CLN6: variants seen among roughly 807,000 people sequenced by gnomAD.
The protein encoded by CLN6 is ceroid-lipofuscinosis neuronal protein 6.
In CLN6, 22 loss-of-function variants were observed where a neutral mutation model predicts 33.3. That is an observed-to-expected ratio of 0.66 (90% CI 0.47 to 0.94). The LOEUF (loss-of-function observed/expected upper bound fraction) is 0.94, where lower values mean the gene tolerates loss of function less well. Among genes scored for constraint, CLN6 ranks in the 40% least tolerant of loss-of-function variants. The pLI is 0.00. For missense variants in CLN6, 387 were observed against 417.1 expected (o/e 0.93, Z 0.63); for synonymous variants, 201 against 174.6 (o/e 1.15, Z -1.19).
intron 3 of CLN6, chr15:68,213,275 C>T (rs778405680): frequency 1.3e-5 from 2 of 150,704 alleles, no homozygotes; most frequent in Non-Finnish European, 2.9e-5. Context: ...GTCTCACTGT[C>T]TTGCCCGGGC....
intron 1 of CLN6, 39 bp downstream of exon 1, chr15:68,229,463 A>C (rs1009096628): frequency 2.1e-6 from 3 of 1,420,228 alleles, no homozygotes; most frequent in Non-Finnish European, 2.8e-6. Context: ...CCCAGCGCAC[A>C]GGCGCCTAGC....
rs1439582258 is a variant in CLN6, at chr15:68,210,483, C to A, written c.543-724G>T. Among the ~76,000 whole-genome samples the A allele has an allele frequency of 1.3e-5, 2 of 152,202 alleles. No homozygotes were observed. Among genetic ancestry groups the A allele is most frequent in the East Asian group, 3.9e-4 (2 of 5,182 alleles). On this transcript the variant is annotated intron_variant, in intron 5 of 6. Transcript: ENST00000249806. This position sits in a 1 kb window ranked among gnomAD's most constrained non-coding sequence, Gnocchi z 5.6. Reference sequence around the variant, plus strand: ...AGCCAGGAGGATTGACATCGCAGGGCCCGAAACACCCTGGAAATGCCCGTG... The same window carrying A: ...AGCCAGGAGGATTGACATCGCAGGGACCGAAACACCCTGGAAATGCCCGTG...
chr15:68,209,181 G>A lies in CLN6; in HGVS notation c.665+456C>T, dbSNP rs1410695331. 6.6e-6 allele frequency among the ~76,000 whole-genome samples: 1 copy of A among 152,140 alleles called. No homozygotes were observed. The highest frequency in any genetic ancestry group is 1.5e-5 in the Non-Finnish European group (1 of 68,018). Reference sequence around the variant, plus strand: ...CCATGAAACCCCCCAGTCTGGCCTCGCCATAGTGCTTTACATTTGACAAAG... The same window carrying A: ...CCATGAAACCCCCCAGTCTGGCCTCACCATAGTGCTTTACATTTGACAAAG... On this transcript the variant is annotated intron_variant, in intron 6 of 6. Coordinates refer to ENST00000249806, the MANE Select transcript of CLN6 (RefSeq NM_017882.3). This position sits in a 1 kb window ranked among gnomAD's most constrained non-coding sequence, Gnocchi z 4.9.
chr15:68,238,409 A>C (rs1892248675), intron 1 of CLN6, among the ~76,000 whole-genome samples: 1 of 152,088 alleles, frequency 6.6e-6, no homozygotes, highest in Admixed American at 6.5e-5. Flanking sequence ...CTCAAAAAAA[A>C]AAAGAAAAAG....
At chr15:68,218,707 T>TC in intron 1 of CLN6, 57 bp from the exon 2 acceptor site, 1 of 1,296,760 alleles carries the variant, frequency 7.7e-7, no homozygotes, top group South Asian at 1.2e-5. Flanking sequence ...ACCAAAATCT[T>TC]CCCCTGAGAT....
intron 1 of CLN6, among the ~76,000 whole-genome samples, chr15:68,235,930 G>T (rs960098607): frequency 2.0e-5 from 3 of 152,194 alleles, no homozygotes; most frequent in African/African-American, 7.2e-5. Flanking sequence ...AAACACAGAA[G>T]AAAACAAGCC....
Position 68,211,454 on chromosome 15 carries a change from G to A in CLN6, c.487-136C>T. The A allele has an allele frequency of 6.6e-7, 1 of 1,523,466 alleles. No homozygotes were observed. Among genetic ancestry groups the A allele is most frequent in the Non-Finnish European group, 9.0e-7 (1 of 1,111,472 alleles). 94.4% of individuals were successfully genotyped at this position (1,523,466 alleles called of 1,614,324 possible). A position where few individuals can be genotyped will look rare whatever the true frequency, so the allele number is the denominator to read the frequency against. ...CCCACTGCCTTATTCCCTACCCGGGGCCTCGCCTTCTGTTACAGGGGCCCA... is the reference window on the plus strand; with the variant it reads ...CCCACTGCCTTATTCCCTACCCGGGACCTCGCCTTCTGTTACAGGGGCCCA... On this transcript the variant is annotated intron_variant, in intron 4 of 6. Transcript: ENST00000249806. This position sits in a 1 kb window ranked among gnomAD's most constrained non-coding sequence, Gnocchi z 5.9.
Position 68,208,455 on chromosome 15 carries a change from G to A in CLN6, c.666-45C>T, listed in dbSNP as rs201306069. ...GTGAGGCAGCTGCCGTGGCAACCCC[G>A]TCCTGCCTGGCATCCCTTCCTGTGT... On this transcript the variant is annotated intron_variant, in intron 6 of 6. Transcript: ENST00000249806. This position sits in a 1 kb window ranked among gnomAD's most constrained non-coding sequence, Gnocchi z 5.8. 4.3e-4 allele frequency: 694 copies of A among 1,607,360 alleles called. 12 individuals are homozygous for A. The South Asian group carries it at 6.7e-3, about 15-fold the overall frequency.
intron 1 of CLN6, 59 bp downstream of exon 1, chr15:68,229,443 G>A: frequency 7.6e-7 from 1 of 1,312,252 alleles, no homozygotes; most frequent in Non-Finnish European, 1.0e-6. Context: ...CACGTGGCGG[G>A]TCCCGAGGCC....
intron 1 of CLN6, among the ~76,000 whole-genome samples, chr15:68,229,026 A>T (rs1214192042): frequency 6.6e-6 from 1 of 152,176 alleles, no homozygotes; most frequent in East Asian, 1.9e-4. Flanking sequence ...CAGGTCAAGC[A>T]GACAGCCTCC....
In CLN6 at chr15:68,229,702, A is replaced by C; in HGVS notation, c.-118T>G. 1 of 745,120 alleles carries C rather than the reference A, an allele frequency of 1.3e-6. No individual in the cohort carries two copies. The highest frequency in any genetic ancestry group is 1.9e-6 in the Non-Finnish European group (1 of 539,234). 46.2% of individuals were successfully genotyped at this position (745,120 alleles called of 1,614,324 possible). ...CGGGGCGGTTCGGGGCGGGCCGGCG[A>C]GAGCGCGCGGCCCTCGGGAGGAACA... On this transcript the variant is annotated 5_prime_UTR_variant, in exon 1 of 7. Transcript: ENST00000249806.
chr15:68,211,315 C>A lies in CLN6; in HGVS notation c.490G>T (p.Asp164Tyr), dbSNP rs779685727. Reference sequence around the variant, plus strand: ...TAATAGTAGAGCAGCTCAAAGGAGTCGATCTGAGGGAGGAACGGGCAGGGC... The same window carrying A: ...TAATAGTAGAGCAGCTCAAAGGAGTAGATCTGAGGGAGGAACGGGCAGGGC... ...IKNLKPETLIDSFELLYYYDE... is the reference protein window; with the variant it reads ...IKNLKPETLIYSFELLYYYDE... The change falls in exon 5 of 7, where the codon GAC (aspartate) becomes TAC (tyrosine). Residue 164 changes from aspartate to tyrosine, a missense_variant. By Grantham distance (160) the Asp-to-Tyr change is radical (BLOSUM62 -3). Transcript: ENST00000249806. The surrounding 1 kb of genome is among the most constrained non-coding windows in gnomAD (Gnocchi z 5.9). 6.8e-6 allele frequency: 11 copies of A among 1,613,806 alleles called. No homozygotes were observed. The East Asian group carries it at 8.9e-5, about 13-fold the overall frequency.
Position 68,210,281 on chromosome 15 carries a change from A to C in CLN6, c.543-522T>G, listed in dbSNP as rs1012932561. 1.8e-5 allele frequency among the ~76,000 whole-genome samples: 2 copies of C among 112,540 alleles called. No individual in the cohort carries two copies. Among genetic ancestry groups the C allele is most frequent in the African/African-American group, 3.5e-5 (1 of 28,236 alleles). 73.8% of individuals were successfully genotyped at this position (112,540 alleles called of 152,430 possible). On this transcript the variant is annotated intron_variant, in intron 5 of 6. Transcript: ENST00000249806. This position sits in a 1 kb window ranked among gnomAD's most constrained non-coding sequence, Gnocchi z 5.6. ...TCCACACACCGGCTCCCTTTCTCCC[A>C]CCTGTGCTTTCACCAGTATACCCGC...
chr15:68,234,738 C>T lies in CLN6; in HGVS notation c.180-16088G>A, dbSNP rs781540567. 4.6e-5 allele frequency among the ~76,000 whole-genome samples: 7 copies of T among 152,256 alleles called. No homozygotes were observed. The East Asian group carries it at 7.7e-4, about 17-fold the overall frequency. Reference sequence around the variant, plus strand: ...TTCACTCTTAACAGTTGACAAAGGCCGGGCGCGGTGGCTCACGCATGTAAT... The same window carrying T: ...TTCACTCTTAACAGTTGACAAAGGCTGGGCGCGGTGGCTCACGCATGTAAT... On this transcript the variant is annotated intron_variant, in intron 1 of 6. Coordinates refer to the CLN6 transcript ENST00000538696. The surrounding 1 kb of genome is among the most constrained non-coding windows in gnomAD (Gnocchi z 4.1).
chr15:68,233,319 G>T (rs1892183883), upstream of CLN6, among the ~76,000 whole-genome samples: 2 of 151,852 alleles, frequency 1.3e-5, no homozygotes, highest in Non-Finnish European at 1.5e-5. This position sits in a 1 kb window ranked among gnomAD's most constrained non-coding sequence, Gnocchi z 4.3. Flanking sequence ...GGGGGGGGTG[G>T]TGCCCTGAGT....
At position 68,242,628 on chromosome 15, in the gene CLN6, G is replaced by A. The variant is rs1892290035; in HGVS notation, c.179+14062C>T. ...GAAAAATAGAAACTAATGCCTTTTT[G>A]TTCACGTGACTTTAGTAACCTTTTG... On this transcript the variant is annotated intron_variant, in intron 1 of 6. Transcript: ENST00000538696. The surrounding 1 kb of genome is among the most constrained non-coding windows in gnomAD (Gnocchi z 5.0). Among the ~76,000 whole-genome samples the A allele has an allele frequency of 1.3e-5, 2 of 152,044 alleles. No individual in the cohort carries two copies. The highest frequency in any genetic ancestry group is 2.9e-5 in the Non-Finnish European group (2 of 67,996).
In CLN6 at chr15:68,229,617, C is replaced by T; in HGVS notation, c.-33G>A. ...CCGCAGGCCCCTCGGCCCTGCCTTT[C>T]CGAGGAAGAGACCGGTTCAGCTCGG... On this transcript the variant is annotated 5_prime_UTR_variant, in exon 1 of 7. Coordinates refer to ENST00000249806, the MANE Select transcript of CLN6 (RefSeq NM_017882.3). 6.9e-7 allele frequency: 1 copy of T among 1,442,204 alleles called. No individual in the cohort carries two copies. Among genetic ancestry groups the T allele is most frequent in the South Asian group, 1.3e-5 (1 of 75,804 alleles). The allele number at this position is 1,442,204 out of a possible 1,614,324, so 89.3% of individuals were successfully genotyped here. A position where few individuals can be genotyped will look rare whatever the true frequency, so the allele number is the denominator to read the frequency against.
chr15:68,222,520 G>A lies in CLN6; in HGVS notation c.84-3870C>T, dbSNP rs533139201. ...AGGTGTGGAGCACCTCTGCCTGGCC[G>A]CCCCGTCTGGGAAGTGAGGAGCGCC... On this transcript the variant is annotated intron_variant, in intron 1 of 6. Transcript: ENST00000249806. Among the ~76,000 whole-genome samples, 47 of 145,564 alleles carry A rather than the reference G, an allele frequency of 3.2e-4. No homozygotes were observed. The East Asian group carries it at 6.3e-3, about 19-fold the overall frequency.
chr15:68,252,330 A>G (rs1026074892), intron 1 of CLN6, among the ~76,000 whole-genome samples: 6 of 152,178 alleles, frequency 3.9e-5, no homozygotes, highest in African/African-American at 1.4e-4. Context: ...AGCAAAATAC[A>G]TGAATAGGCA....
Sources: gnomAD v4.1 joint callset for allele counts (sites outside exome capture counted in the v4.1 genomes callset) on GRCh38, gnomAD v4.1.1 for gene constraint, Gnocchi (gnomAD v3.1) non-coding constraint, MANE v1.5 for transcripts, NCBI Gene and HGNC (gene_info 2026-07-23, HGNC 2026-07-21) for gene names.